GRM8: variants seen among roughly 807,000 people sequenced by gnomAD.
GRM8 encodes metabotropic glutamate receptor 8.
In GRM8, 47 loss-of-function variants were observed where a neutral mutation model predicts 87.2. That is an observed-to-expected ratio of 0.54 (90% CI 0.43 to 0.69). The LOEUF is 0.69. Ranked by LOEUF, GRM8 falls within the 30% of genes least tolerant of loss-of-function variation. GRM8 has a pLI of 0.00. For synonymous variants in GRM8, 396 were observed against 404.5 expected, an observed-to-expected ratio of 0.98 and a Z score of 0.25; for missense variants, 1,019 against 1,139.2, an observed-to-expected ratio of 0.89 and a Z score of 1.52.
chr7:126,697,479 A>C (rs1238793366), intron 7 of GRM8, among the ~76,000 whole-genome samples: 1 of 152,162 alleles, frequency 6.6e-6, no homozygotes, highest in Non-Finnish European at 1.5e-5. Context: ...ATTTCACTAA[A>C]TATATATGTA....
chr7:127,200,655 T>A (rs888854499), intron 2 of GRM8, among the ~76,000 whole-genome samples: 3 of 152,204 alleles, frequency 2.0e-5, no homozygotes, highest in African/African-American at 7.2e-5. Flanking sequence ...TGGTGGTCAC[T>A]GGCAATCCTT....
At chr7:127,082,045 G>A (rs1822925898) in intron 3 of GRM8, 1 of 152,220 alleles carries the variant, frequency 6.6e-6, no homozygotes, top group Admixed American at 6.5e-5. Context: ...ATTCAAGGGA[G>A]AGTGAACACA....
At chr7:126,769,585 A>T (rs1054959275) in intron 7 of GRM8, among the ~76,000 whole-genome samples, 2 of 152,164 alleles carry the variant, frequency 1.3e-5, no homozygotes, top group African/African-American at 4.8e-5. Context: ...GTTTCAAATA[A>T]GCCTTCTAAG....
At chr7:126,735,336 AC>A (rs1360774729) in intron 7 of GRM8, among the ~76,000 whole-genome samples, 3 of 152,244 alleles carry the variant, frequency 2.0e-5, no homozygotes, top group Non-Finnish European at 2.9e-5. Context: ...TAATTAGTAT[AC>A]AAAAACTCTA....
intron 3 of GRM8, among the ~76,000 whole-genome samples, chr7:126,926,019 G>C (rs1458817745): frequency 6.6e-6 from 1 of 152,022 alleles, no homozygotes; most frequent in Non-Finnish European, 1.5e-5. Context: ...TTTTCCAAAA[G>C]ATTTATACCA....
chr7:127,105,852 C>T (rs1317886572), intron 3 of GRM8, among the ~76,000 whole-genome samples: 6 of 152,094 alleles, frequency 3.9e-5, no homozygotes, highest in Admixed American at 1.3e-4. Context: ...ACAACCTCAT[C>T]GTACACATAC....
At chr7:126,919,419 C>G (rs10241818) in intron 3 of GRM8, among the ~76,000 whole-genome samples, 21,782 of 151,962 alleles carry the variant, frequency 0.14, 1,593 homozygotes, top group East Asian at 0.23. Context: ...TTTGAAAAGC[C>G]TACAGGAGAT....
At chr7:126,662,494 A>G (rs1204082586) in intron 7 of GRM8, among the ~76,000 whole-genome samples, 2 of 152,206 alleles carry the variant, frequency 1.3e-5, no homozygotes, top group African/African-American at 4.8e-5. Context: ...CTATTCAGAA[A>G]GAAATTTCAA....
At chr7:126,770,729 C>T (rs1818750801) in intron 6 of GRM8, among the ~76,000 whole-genome samples, 1 of 151,850 alleles carries the variant, frequency 6.6e-6, no homozygotes, top group African/African-American at 2.4e-5. Context: ...CTGGAGATTA[C>T]TTTTAGGTTG....
intron 2 of GRM8, among the ~76,000 whole-genome samples, chr7:127,199,333 A>C (rs1795467179): frequency 6.6e-6 from 1 of 152,270 alleles, no homozygotes; most frequent in African/African-American, 2.4e-5. Flanking sequence ...TTAAGTAGAA[A>C]TTAAACTTGC....
At chr7:126,916,545 ATGAGAGC>A (rs1803924052) in intron 3 of GRM8, among the ~76,000 whole-genome samples, 1 of 152,246 alleles carries the variant, frequency 6.6e-6, no homozygotes, top group Non-Finnish European at 1.5e-5. Flanking sequence ...AACAGCAGCT[ATGAGAGC>A]TTATAATCTA....
chr7:126,530,975 AT>A (rs1238426196), intron 9 of GRM8, among the ~76,000 whole-genome samples: 1 of 151,992 alleles, frequency 6.6e-6, no homozygotes, highest in African/African-American at 2.4e-5. Flanking sequence ...TGCCCGGCTA[AT>A]TTTTTTATTT....
At chr7:126,645,419 G>C (rs1454776892) in intron 7 of GRM8, among the ~76,000 whole-genome samples, 1 of 152,132 alleles carries the variant, frequency 6.6e-6, no homozygotes, top group Non-Finnish European at 1.5e-5. Context: ...GCACACAAAG[G>C]CTGTTTTCCA....
At chr7:126,526,094 T>C (rs982864045) in intron 9 of GRM8, among the ~76,000 whole-genome samples, 1 of 152,226 alleles carries the variant, frequency 6.6e-6, no homozygotes, top group South Asian at 2.1e-4. Flanking sequence ...CAAAAGGAAC[T>C]GTTTGCTTGC....
intron 7 of GRM8, among the ~76,000 whole-genome samples, chr7:126,704,596 C>T (rs1000671276): frequency 6.6e-6 from 1 of 152,098 alleles, no homozygotes; most frequent in Non-Finnish European, 1.5e-5. Context: ...AATTCTTTTT[C>T]TCAGCAAGGA....
intron 6 of GRM8, among the ~76,000 whole-genome samples, chr7:126,880,789 C>T (rs1799952644): frequency 6.6e-6 from 1 of 152,168 alleles, no homozygotes; most frequent in East Asian, 1.9e-4. Context: ...GTTCTCCTTA[C>T]TGTCACCCTT....
intron 3 of GRM8, among the ~76,000 whole-genome samples, chr7:126,943,327 G>A (rs1171151037): frequency 6.6e-6 from 1 of 152,176 alleles, no homozygotes; most frequent in African/African-American, 2.4e-5. Context: ...CCACTACCCA[G>A]AGCAAGCAGC....
chr7:126,602,148 T>C (rs1797845826), intron 8 of GRM8, among the ~76,000 whole-genome samples: 1 of 143,934 alleles, frequency 6.9e-6, no homozygotes, highest in African/African-American at 2.5e-5. Flanking sequence ...GCTTTCTACA[T>C]ATGGCTAGCC....
intron 3 of GRM8, among the ~76,000 whole-genome samples, chr7:126,909,477 T>C (rs953552747): frequency 6.7e-6 from 1 of 148,172 alleles, no homozygotes; most frequent in Admixed American, 6.6e-5. Context: ...GAAAGATTAC[T>C]AATTGTGTAC....
Sources: allele counts gnomAD v4.1 joint callset (sites outside exome capture counted in the v4.1 genomes callset), GRCh38; gene constraint gnomAD v4.1.1; transcripts MANE v1.5; gene names NCBI Gene and HGNC (gene_info 2026-07-23, HGNC 2026-07-21).